Variants in ZNF592 observed in about 807,000 individuals in gnomAD.
ZNF592 encodes zinc finger protein 592.
A neutral mutation model predicts 80.3 loss-of-function variants in ZNF592; 11 were observed. That is an observed-to-expected ratio of 0.14 (90% CI 0.09 to 0.23). ZNF592 has a LOEUF of 0.23. Ranked by LOEUF, ZNF592 falls within the 10% of genes least tolerant of loss-of-function variation. The pLI is 1.00. For synonymous variants in ZNF592, 646 were observed against 640.3 expected (o/e 1.01, Z -0.13); for missense variants, 1,420 against 1,633.9 (o/e 0.87, Z 2.26).
In ZNF592 at chr15:84,785,711, G is replaced by A. The variant is rs565208022; in HGVS notation, c.2220+816G>A. Among the ~76,000 whole-genome samples the A allele has an allele frequency of 4.5e-4, 69 of 152,324 alleles. No individual in the cohort carries two copies. The South Asian group carries it at 5.8e-3, about 13-fold the overall frequency. ...AAACTGCAGTAGGGCCAATGGCAGG[G>A]CTGGGATAGGAGGAAGGAGAGTGGA... On this transcript the variant is annotated intron_variant, in intron 4 of 10. Coordinates refer to ENST00000560079, the MANE Select transcript of ZNF592 (RefSeq NM_014630.3).
chr15:84,789,561 A>G (rs1250784426), intron 4 of ZNF592, among the ~76,000 whole-genome samples: 1 of 152,192 alleles, frequency 6.6e-6, no homozygotes, highest in Non-Finnish European at 1.5e-5. Context: ...ACAGTGCCCA[A>G]GTGTTCCAGT....
intron 5 of ZNF592, among the ~76,000 whole-genome samples, chr15:84,795,643 T>A (rs1298836953): frequency 6.6e-6 from 1 of 152,266 alleles, no homozygotes; most frequent in African/African-American, 2.4e-5. Context: ...TATGTGCTTT[T>A]TTCTCCTCAT....
intron 2 of ZNF592, among the ~76,000 whole-genome samples, chr15:84,767,937 T>C (rs1348095837): frequency 1.3e-5 from 2 of 151,814 alleles, no homozygotes; most frequent in Non-Finnish European, 2.9e-5. Flanking sequence ...AGTGCAATGG[T>C]GCAATCACAG....
rs1962968916 is a variant in ZNF592, at chr15:84,797,967, C to T, written c.2498C>T (p.Pro833Leu). The T allele has an allele frequency of 1.2e-6, 2 of 1,614,216 alleles. No homozygotes were observed. The highest frequency in any genetic ancestry group is 1.7e-5 in the Admixed American group (1 of 60,032). The change falls in exon 6 of 11, where the codon CCC (proline) becomes CTC (leucine). Residue 833 changes from proline to leucine, a missense_variant. Pro to Leu is a moderately conservative substitution (Grantham distance 98, BLOSUM62 -3). Around this residue, in one of 7 missense-constraint regions of ZNF592, gnomAD observed 331 missense variants for 347.0 expected, o/e 0.95. Transcript: ENST00000560079. ...CQVFHKCAFC[P>L]MAFKTASSTA... ...GTTTTCCACAAATGTGCATTCTGCC[C>T]CATGGCCTTCAAGACTGCCAGCAGC...
rs1050974858 is a variant in ZNF592 at position 84,798,928 on chromosome 15, C to T, written c.3024+53C>T. ...AGAGCCCAGTCCTCTGGACTTCCTT[C>T]TGTGAAGCCAGAACCCCTAGGGTTC... On this transcript the variant is annotated intron_variant, in intron 8 of 10. Coordinates refer to ENST00000560079, the MANE Select transcript of ZNF592 (RefSeq NM_014630.3). This position sits in a 1 kb window ranked among gnomAD's most constrained non-coding sequence, Gnocchi z 4.5. 1 of 1,597,722 alleles carries T rather than the reference C, an allele frequency of 6.3e-7. No individual in the cohort carries two copies. The highest frequency in any genetic ancestry group is 8.5e-7 in the Non-Finnish European group (1 of 1,177,036).
At chr15:84,768,588 C>T (rs1257007328) in intron 2 of ZNF592, among the ~76,000 whole-genome samples, 3 of 152,060 alleles carry the variant, frequency 2.0e-5, no homozygotes, top group Non-Finnish European at 4.4e-5. Context: ...CCTACCTCTT[C>T]CCTATGGTTC....
chr15:84,798,489 G>T lies in ZNF592; in HGVS notation c.2736+15G>T. 3 of 1,613,846 alleles carry T rather than the reference G, an allele frequency of 1.9e-6. No homozygotes were observed. The highest frequency in any genetic ancestry group is 1.7e-6 in the Non-Finnish European group (2 of 1,179,816). Reference sequence around the variant, plus strand: ...AACACGTCAAGGTGGGATGCCTTGCGGGAGGAGGCCGGGGAGGAGGGCACA... The same window carrying T: ...AACACGTCAAGGTGGGATGCCTTGCTGGAGGAGGCCGGGGAGGAGGGCACA... On this transcript the variant is annotated intron_variant, in intron 7 of 10. Transcript: ENST00000560079. The surrounding 1 kb of genome is among the most constrained non-coding windows in gnomAD (Gnocchi z 4.5).
At chr15:84,797,356 G>A (rs902775684) in intron 5 of ZNF592, among the ~76,000 whole-genome samples, 1 of 152,072 alleles carries the variant, frequency 6.6e-6, no homozygotes, top group Non-Finnish European at 1.5e-5. Context: ...TTTTAATGTA[G>A]TTGTTGTTTT....
At chr15:84,768,081 TG>T (rs1899584010) in intron 2 of ZNF592, among the ~76,000 whole-genome samples, 1 of 147,750 alleles carries the variant, frequency 6.8e-6, no homozygotes, top group Admixed American at 6.8e-5. Context: ...TTTGTAGAGA[TG>T]GGGTTTTGCC....
intron 1 of ZNF592, among the ~76,000 whole-genome samples, chr15:84,757,623 G>A (rs66607970): frequency 0.059 from 8,917 of 151,528 alleles, 324 homozygotes; most frequent in African/African-American, 0.075. Flanking sequence ...CAAAATGTGG[G>A]ATTACAGGTG....
chr15:84,802,372 C>A lies in ZNF592; in HGVS notation c.3783C>A (p.His1261Gln). The A allele has an allele frequency of 6.8e-6, 11 of 1,613,718 alleles. No homozygotes were observed. Among genetic ancestry groups the A allele is most frequent in the Non-Finnish European group, 9.3e-6 (11 of 1,180,022 alleles). Residue 1261 changes from histidine to glutamine, a missense_variant, in exon 11 of 11, where the codon CAC (histidine) becomes CAA (glutamine). Around this residue, in one of 7 missense-constraint regions of ZNF592, gnomAD observed 24 missense variants for 16.7 expected, o/e 1.44. Transcript: ENST00000560079. ...QPQASQDQDS[H>Q]TLSPQV The stretch of plus-strand genomic sequence containing the variant: ...AGGCCTCTCAGGACCAGGACAGCCA[C>A]ACACTGTCCCCTCAGGTGTGACCGG...
intron 2 of ZNF592, among the ~76,000 whole-genome samples, chr15:84,775,191 G>T (rs1172130808): frequency 1.3e-5 from 2 of 151,732 alleles, no homozygotes; most frequent in Admixed American, 6.6e-5. Context: ...TGCCTCCCTG[G>T]TTCAAGCGAT....
At chr15:84,781,137 C>T (rs1962411164) in intron 3 of ZNF592, among the ~76,000 whole-genome samples, 2 of 152,136 alleles carry the variant, frequency 1.3e-5, no homozygotes, top group Non-Finnish European at 2.9e-5. Flanking sequence ...CAACCTCCAC[C>T]TCCTGGGATC....
At chr15:84,796,265 T>TATATATA (rs1396711040) in intron 5 of ZNF592, among the ~76,000 whole-genome samples, 27 of 43,632 alleles carry the variant, frequency 6.2e-4, no homozygotes, top group East Asian at 9.2e-4. Flanking sequence ...TATATATATA[T>TATATATA]TTTATATATA....
intron 1 of ZNF592, among the ~76,000 whole-genome samples, chr15:84,756,186 A>G (rs978998285): frequency 6.6e-6 from 1 of 152,104 alleles, no homozygotes; most frequent in African/African-American, 2.4e-5. Context: ...CCCCCCTTTT[A>G]GGGGTTTAGC....
chr15:84,789,211 G>A (rs1486055288), intron 4 of ZNF592, among the ~76,000 whole-genome samples: 2 of 150,686 alleles, frequency 1.3e-5, no homozygotes, highest in South Asian at 4.2e-4. Context: ...TCATGCCACT[G>A]CGCTCTAGTC....
intron 1 of ZNF592, among the ~76,000 whole-genome samples, chr15:84,762,045 C>T (rs147234186): frequency 1.2e-3 from 184 of 152,218 alleles, no homozygotes; most frequent in African/African-American, 4.3e-3. Flanking sequence ...CAAACGGCTG[C>T]TTCTTTATGA....
chr15:84,780,845 G>A (rs1345444661), intron 3 of ZNF592, among the ~76,000 whole-genome samples: 1 of 151,856 alleles, frequency 6.6e-6, no homozygotes. Context: ...CCCTAAAAAA[G>A]TTTTGAAAAA....
chr15:84,758,693 C>G (rs953756003), intron 1 of ZNF592, among the ~76,000 whole-genome samples: 1 of 149,578 alleles, frequency 6.7e-6, no homozygotes, highest in Non-Finnish European at 1.5e-5. Flanking sequence ...GGGTGGATTG[C>G]TTGAGCCCAG....
Sources: gnomAD v4.1 joint callset for allele counts (sites outside exome capture counted in the v4.1 genomes callset) on GRCh38, gnomAD v4.1.1 for gene constraint, gnomAD v4.1.1 regional missense constraint, Gnocchi (gnomAD v3.1) non-coding constraint, MANE v1.5 for transcripts, NCBI Gene and HGNC (gene_info 2026-07-23, HGNC 2026-07-21) for gene names.